STN1: variants seen among roughly 807,000 people sequenced by gnomAD.
STN1 encodes CST complex subunit STN1.
A neutral mutation model predicts 45.5 loss-of-function variants in STN1; 29 were observed. The observed-to-expected ratio is 0.64, with a 90% CI of 0.47 to 0.87. The LOEUF (loss-of-function observed/expected upper bound fraction) is 0.87. Among genes scored for constraint, STN1 ranks in the 40% least tolerant of loss-of-function variants. STN1 has a pLI of 0.00. For synonymous variants in STN1, 148 were observed against 159.0 expected, an observed-to-expected ratio of 0.93 and a Z score of 0.52; for missense variants, 376 against 441.4, an observed-to-expected ratio of 0.85 and a Z score of 1.33.
At position 103,880,962 on chromosome 10, in the gene STN1, T is replaced by C. The variant is rs1460547019; in HGVS notation, c.*1722A>G. The stretch of plus-strand genomic sequence containing the variant: ...AATATACACTCTCTCTACGGATATA[T>C]ACATACACACAGGGAGCTGTAGATA... On this transcript the variant is annotated 3_prime_UTR_variant, in exon 10 of 10. Transcript: ENST00000224950. 2.6e-5 allele frequency among the ~76,000 whole-genome samples: 4 copies of C among 152,144 alleles called. No homozygotes were observed. The highest frequency in any genetic ancestry group is 2.1e-4 in the South Asian group (1 of 4,830).
At chr10:103,884,253 T>C (rs2134355372) in intron 9 of STN1, among the ~76,000 whole-genome samples, 1 of 152,144 alleles carries the variant, frequency 6.6e-6, no homozygotes, top group South Asian at 2.1e-4. Flanking sequence ...TCCTTTTAGG[T>C]CGTCGGCAGT....
chr10:103,917,774 A>T (rs1843344104), intron 1 of STN1, 118 bp from the exon 2 acceptor site: 1 of 586,888 alleles, frequency 1.7e-6, no homozygotes, highest in Non-Finnish European at 2.9e-6. Flanking sequence ...GCAGGGATCC[A>T]GGGCCCTGTC....
At position 103,900,179 on chromosome 10, in the gene STN1, T is replaced by TGA. The variant is rs1211142036; in HGVS notation, c.339_340insTC (p.Lys114SerfsTer14). On this transcript the variant is annotated frameshift_variant, in exon 5 of 10. Coordinates refer to ENST00000224950, the MANE Select transcript of STN1 (RefSeq NM_024928.5). LOFTEE classifies it high-confidence loss of function. ...TGCTCAATGGTCTCTTGTAGCTTCT[T>TGA]AAGTTGTGAGGTTAAGCTGAGCTCT... 1 of 1,614,070 alleles carries TGA rather than the reference T, an allele frequency of 6.2e-7. No homozygotes were observed. The highest frequency in any genetic ancestry group is 8.5e-7 in the Non-Finnish European group (1 of 1,180,020).
chr10:103,899,169 G>A (rs928125816), intron 5 of STN1, among the ~76,000 whole-genome samples, 169 bp from the exon 6 acceptor site: 2 of 152,216 alleles, frequency 1.3e-5, no homozygotes, highest in African/African-American at 4.8e-5. Flanking sequence ...ATGGCTCCCA[G>A]TCATCCTGCA....
chr10:103,912,229 A>G (rs1843296466), intron 2 of STN1, among the ~76,000 whole-genome samples: 1 of 151,934 alleles, frequency 6.6e-6, no homozygotes, highest in South Asian at 2.1e-4. Flanking sequence ...ACTAATTTTT[A>G]AAATTTTTCA....
chr10:103,909,426 A>ATATATGTATATATATATG (rs1564635026), intron 3 of STN1, among the ~76,000 whole-genome samples: 4 of 57,066 alleles, frequency 7.0e-5, no homozygotes, highest in African/African-American at 7.9e-5. Context: ...GTATATATGT[A>ATATATGTATATATATATG]TATATATGTA....
chr10:103,886,017 T>C (rs1046718646), intron 9 of STN1, among the ~76,000 whole-genome samples: 3 of 152,190 alleles, frequency 2.0e-5, no homozygotes, highest in Non-Finnish European at 4.4e-5. Context: ...ATTTCAGATA[T>C]AACCTACTAC....
intron 3 of STN1, among the ~76,000 whole-genome samples, chr10:103,909,490 G>GTATATATGTATATATGTATATATA (rs1564635131): frequency 1.6e-4 from 5 of 31,608 alleles, no homozygotes; most frequent in African/African-American, 2.1e-4. Context: ...ATATATATGT[G>GTATATATGTATATATGTATATATA]TGTGTGTATA....
Position 103,881,081 on chromosome 10 carries a change from T to C in STN1, c.*1603A>G, listed in dbSNP as rs1843065842. On this transcript the variant is annotated 3_prime_UTR_variant, in exon 10 of 10. Coordinates refer to ENST00000224950, the MANE Select transcript of STN1 (RefSeq NM_024928.5). ...TGCCATGGCAACACTGTCTGTCTGC[T>C]TTCATCATTTTTTTCATAGCTGCAT... Among the ~76,000 whole-genome samples the C allele has an allele frequency of 6.6e-6, 1 of 152,126 alleles. No individual in the cohort carries two copies. Among genetic ancestry groups the C allele is most frequent in the African/African-American group, 2.4e-5 (1 of 41,420 alleles).
rs781399715 is a variant in STN1, at chr10:103,882,776, G to A, written c.1015C>T (p.Leu339=). The A allele has an allele frequency of 5.6e-6, 9 of 1,614,210 alleles. No homozygotes were observed. Among genetic ancestry groups the A allele is most frequent in the Admixed American group, 1.7e-5 (1 of 60,020 alleles). ...ACTTGCTGCAGCACAGCCTCGCTCA[G>A]GCCCGGGCGGATGCTCAGGCGAGCA... ...ACARLSIRPG[L]SEAVLQQVLE... Residue 339 remains leucine (L), a synonymous_variant, in exon 10 of 10, where the codon CTG becomes TTG. Coordinates refer to ENST00000224950, the MANE Select transcript of STN1 (RefSeq NM_024928.5).
intron 5 of STN1, 41 bp downstream of exon 5, chr10:103,900,021 C>T (rs528848146): frequency 6.2e-7 from 1 of 1,600,328 alleles, no homozygotes; most frequent in African/African-American, 1.3e-5. Flanking sequence ...GGACGCACAT[C>T]CAGAAAAACC....
At chr10:103,912,395 TTA>T (rs1285746757) in intron 2 of STN1, among the ~76,000 whole-genome samples, 1 of 152,162 alleles carries the variant, frequency 6.6e-6, no homozygotes, top group African/African-American at 2.4e-5. Flanking sequence ...CAATTGAAAC[TTA>T]GTCTTTTCCA....
In STN1 at chr10:103,878,111, G is replaced by A. The variant is rs1025102252; in HGVS notation, c.*4573C>T. 3.9e-5 allele frequency: 6 copies of A among 152,250 alleles called. No homozygotes were observed. The highest frequency in any genetic ancestry group is 8.8e-5 in the Non-Finnish European group (6 of 68,038). 9.4% of individuals were successfully genotyped at this position (152,250 alleles called of 1,614,324 possible). A position where few individuals can be genotyped will look rare whatever the true frequency, so the allele number is the denominator to read the frequency against. The stretch of plus-strand genomic sequence containing the variant: ...TAATGAGAAAGAAGTGTCTTACAGG[G>A]ATGGGGAGCACTGGTGGCTTACCAT... On this transcript the variant is annotated 3_prime_UTR_variant, in exon 10 of 10. Coordinates refer to ENST00000224950, the MANE Select transcript of STN1 (RefSeq NM_024928.5).
In STN1 at chr10:103,882,743, G is replaced by A; in HGVS notation, c.1048C>T (p.Leu350Phe). Residue 350 changes from leucine (L) to phenylalanine (F), a missense_variant, in exon 10 of 10, where the codon CTC (leucine) becomes TTC (phenylalanine). Transcript: ENST00000224950. ...SEAVLQQVLE[L>F]LEDQSDIVST... ...ACAATGTCACTCTGGTCCTCCAGGA[G>A]CTCCAGAACTTGCTGCAGCACAGCC... 1 of 1,614,214 alleles carries A rather than the reference G, an allele frequency of 6.2e-7. No homozygotes were observed. Among genetic ancestry groups the A allele is most frequent in the South Asian group, 1.1e-5 (1 of 91,082 alleles).
Position 103,899,000 on chromosome 10 carries a change from T to C in STN1, c.458A>G (p.Tyr153Cys). 1 of 1,613,948 alleles carries C rather than the reference T, an allele frequency of 6.2e-7. No individual in the cohort carries two copies. Among genetic ancestry groups the C allele is most frequent in the Non-Finnish European group, 8.5e-7 (1 of 1,179,936 alleles). ...GTTCCACACTGGGTCGTCCACTTTA[T>C]CTAACAAGTGACCAGAAAAAAGATG... ...EEREIHATTY[Y>C]KVDDPVWNIQ... The change falls in exon 6 of 10, where the codon TAT becomes TGT. Residue 153 changes from tyrosine (Y) to cysteine (C), a missense_variant and splice_region_variant. Transcript: ENST00000224950.
rs553264838 is a variant in STN1 at position 103,906,605 on chromosome 10, G to A, written c.230-1449C>T. 2.0e-5 allele frequency among the ~76,000 whole-genome samples: 3 copies of A among 152,070 alleles called. No homozygotes were observed. The East Asian group carries it at 5.8e-4, about 29-fold the overall frequency. The stretch of plus-strand genomic sequence containing the variant: ...GAGCCCAGGAGTTCAAGGCTGCAGT[G>A]AGCCATGATCATGCCACTGCACTCC... On this transcript the variant is annotated intron_variant, in intron 3 of 9. Coordinates refer to ENST00000224950, the MANE Select transcript of STN1 (RefSeq NM_024928.5).
intron 3 of STN1, among the ~76,000 whole-genome samples, chr10:103,910,308 G>A (rs1843281083): frequency 6.6e-6 from 1 of 152,282 alleles, no homozygotes; most frequent in Non-Finnish European, 1.5e-5. Context: ...CACCTCAGCA[G>A]CTGTCACTTC....
At chr10:103,898,765 T>C in intron 6 of STN1, 112 bp downstream of exon 6, 10 of 1,269,302 alleles carry the variant, frequency 7.9e-6, no homozygotes, top group Non-Finnish European at 1.1e-5. Flanking sequence ...AGCCCCACAG[T>C]GCATAGGTGG....
At position 103,900,076 on chromosome 10, in the gene STN1, T is replaced by G; in HGVS notation, c.443A>C (p.His148Pro). Residue 148 changes from histidine (H) to proline (P), a missense_variant, in exon 5 of 10, where the codon CAT (histidine) becomes CCT (proline). His to Pro is a moderately conservative substitution (Grantham distance 77). Coordinates refer to ENST00000224950, the MANE Select transcript of STN1 (RefSeq NM_024928.5). ...CTTGTGCTTACAGTAAGTGGTGGCA[T>G]GAATCTCTCGCTCTTCTCTGTATGT... ...IRTYREEREI[H>P]ATTYYKVDDP... The G allele has an allele frequency of 6.2e-7, 1 of 1,614,138 alleles. No individual in the cohort carries two copies. Among genetic ancestry groups the G allele is most frequent in the Non-Finnish European group, 8.5e-7 (1 of 1,179,990 alleles).
Sources: allele counts gnomAD v4.1 joint callset (sites outside exome capture counted in the v4.1 genomes callset), GRCh38; gene constraint gnomAD v4.1.1; transcripts MANE v1.5; gene names NCBI Gene and HGNC (gene_info 2026-07-23, HGNC 2026-07-21).